The following DCAF6 variants were observed in gnomAD, a reference collection of about 807,000 sequenced individuals.
The protein encoded by DCAF6 is DDB1 and CUL4 associated factor 6.
DCAF6 carries 54 observed loss-of-function variants against 125.1 expected under a neutral mutation model. That is an observed-to-expected ratio of 0.43 (90% CI 0.35 to 0.54). The LOEUF is 0.54. Ranked by LOEUF, DCAF6 falls within the 20% of genes least tolerant of loss-of-function variation. DCAF6 has a pLI of 0.01. For synonymous variants in DCAF6, 371 were observed against 390.4 expected, an observed-to-expected ratio of 0.95 and a Z score of 0.58; for missense variants, 934 against 1,161.7, an observed-to-expected ratio of 0.80 and a Z score of 2.85.
chr1:167,864,426 C>T, the DCAF6 span, among the ~76,000 whole-genome samples: 1 of 152,136 alleles, frequency 6.6e-6, no homozygotes, highest in Non-Finnish European at 1.5e-5. Flanking sequence ...CTAGACAGGT[C>T]CCTTGTTTCA....
At chr1:168,044,053 A>G (rs1408304079) in intron 14 of DCAF6, among the ~76,000 whole-genome samples, 1 of 152,176 alleles carries the variant, frequency 6.6e-6, no homozygotes, top group Non-Finnish European at 1.5e-5. Flanking sequence ...ATGAAGCTCA[A>G]TTCCTGGGCT....
At chr1:167,908,252 T>C in the DCAF6 span, among the ~76,000 whole-genome samples, 1 of 152,206 alleles carries the variant, frequency 6.6e-6, no homozygotes, top group African/African-American at 2.4e-5. Context: ...TCTTGTATGA[T>C]AGTGTGGATG....
intron 4 of DCAF6, among the ~76,000 whole-genome samples, chr1:167,977,649 A>AT (rs1250622801): frequency 6.6e-6 from 1 of 151,758 alleles, no homozygotes; most frequent in African/African-American, 2.4e-5. Flanking sequence ...AATGTAAGAA[A>AT]TTTTCAGTCA....
At chr1:167,953,069 A>G (rs953659368) in intron 2 of DCAF6, among the ~76,000 whole-genome samples, 1 of 152,200 alleles carries the variant, frequency 6.6e-6, no homozygotes, top group Non-Finnish European at 1.5e-5. Context: ...TTTCTTATAT[A>G]ACCAAAATGC....
At chr1:167,987,856 A>G (rs926021472) in intron 5 of DCAF6, among the ~76,000 whole-genome samples, 2 of 152,088 alleles carry the variant, frequency 1.3e-5, no homozygotes, top group Admixed American at 6.6e-5. Flanking sequence ...GTACATTTAA[A>G]ATATATTTAT....
chr1:167,964,428 G>A lies in DCAF6; in HGVS notation c.160-2201G>A, dbSNP rs148171609. On this transcript the variant is annotated intron_variant, in intron 2 of 21. Transcript: ENST00000367840. ...GATGTTGGATGTAATTCTTATCTTT[G>A]CTCCTCTATAGATAATGTTTTTTCC... Among the ~76,000 whole-genome samples the A allele has an allele frequency of 7.1e-3, 1,080 of 152,110 alleles. 31 individuals are homozygous for A. The highest frequency in any genetic ancestry group is 4.5e-3 in the Non-Finnish European group (307 of 67,996).
chr1:168,064,926 T>C (rs1484738430), intron 18 of DCAF6, among the ~76,000 whole-genome samples: 1 of 152,240 alleles, frequency 6.6e-6, no homozygotes, highest in Non-Finnish European at 1.5e-5. Flanking sequence ...TAAGTATGTT[T>C]GTATCTTTCT....
At chr1:167,938,917 T>C (rs1671792123) in intron 1 of DCAF6, among the ~76,000 whole-genome samples, 1 of 152,190 alleles carries the variant, frequency 6.6e-6, no homozygotes, top group Admixed American at 6.5e-5. Flanking sequence ...CTGACTATAT[T>C]AGAAAGCCTG....
At chr1:168,068,488 A>C in intron 21 of DCAF6, 25 bp downstream of exon 21, 1 of 1,213,704 alleles carries the variant, frequency 8.2e-7, no homozygotes, top group Non-Finnish European at 1.1e-6. Context: ...TATACTACTA[A>C]AACCATTTTT....
the DCAF6 span, among the ~76,000 whole-genome samples, chr1:167,876,924 C>T: frequency 6.6e-6 from 1 of 152,140 alleles, no homozygotes; most frequent in Admixed American, 6.5e-5. Flanking sequence ...GAAGATGAGA[C>T]ACATAGAGCC....
the DCAF6 span, among the ~76,000 whole-genome samples, chr1:167,884,349 C>CTT: frequency 2.6e-5 from 4 of 152,060 alleles, no homozygotes; most frequent in East Asian, 7.7e-4. Context: ...GTGCTACACA[C>CTT]TTTTAAACAA....
rs1278049263 is a variant in DCAF6, at chr1:167,997,610, A to G, written c.903+4170A>G. On this transcript the variant is annotated intron_variant, in intron 7 of 21. Transcript: ENST00000367840. ...ATCAGAAAATTCACTGTTAAGTGTCACCAAGTTTTTATCAAAACCTGTTTA... is the reference window on the plus strand; with the variant it reads ...ATCAGAAAATTCACTGTTAAGTGTCGCCAAGTTTTTATCAAAACCTGTTTA... 2.0e-5 allele frequency among the ~76,000 whole-genome samples: 3 copies of G among 152,108 alleles called. No homozygotes were observed. In the East Asian group the frequency reaches 5.8e-4, roughly 29 times the overall value.
chr1:167,883,953 T>A, the DCAF6 span, among the ~76,000 whole-genome samples: 1 of 152,216 alleles, frequency 6.6e-6, no homozygotes, highest in Non-Finnish European at 1.5e-5. Context: ...TTTAAAAAAA[T>A]TTAAAATTTT....
chr1:167,883,372 T>A, the DCAF6 span: 2 of 1,555,708 alleles, frequency 1.3e-6, no homozygotes, highest in Non-Finnish European at 1.8e-6. Context: ...TTCTCACCAA[T>A]GTGCTTGTCC....
intron 11 of DCAF6, among the ~76,000 whole-genome samples, chr1:168,017,125 AT>A (rs933476852): frequency 2.4e-4 from 35 of 147,246 alleles, no homozygotes; most frequent in South Asian, 2.1e-4. Context: ...GAGGCCTCTG[AT>A]TTTTTTTTTT....
At chr1:168,020,437 A>C (rs1425152649) in intron 11 of DCAF6, among the ~76,000 whole-genome samples, 2 of 152,180 alleles carry the variant, frequency 1.3e-5, no homozygotes, top group Admixed American at 1.3e-4. Context: ...AAGACCAAAC[A>C]ACACATTTTT....
At chr1:167,911,158 C>T in the DCAF6 span, among the ~76,000 whole-genome samples, 1 of 152,202 alleles carries the variant, frequency 6.6e-6, no homozygotes, top group African/African-American at 2.4e-5. Context: ...AGTGTTCAAA[C>T]TGGGCAGTTT....
At chr1:168,030,175 G>T (rs761407957) in intron 12 of DCAF6, among the ~76,000 whole-genome samples, 24 of 152,070 alleles carry the variant, frequency 1.6e-4, no homozygotes, top group Non-Finnish European at 2.8e-4. Context: ...GAAATAGCAG[G>T]GTTCAGTGTG....
Position 168,015,837 on chromosome 1 carries a change from C to T in DCAF6, c.1435C>T (p.Leu479Phe). 6.5e-7 allele frequency: 1 copy of T among 1,537,940 alleles called. No homozygotes were observed. The highest frequency in any genetic ancestry group is 2.5e-5 in the East Asian group (1 of 39,916). Residue 479 changes from leucine (L) to phenylalanine (F), a missense_variant, in exon 11 of 22, where the codon CTT becomes TTT. Transcript: ENST00000367840. The stretch of plus-strand genomic sequence containing the variant: ...TCGTAAGCGCCTGCAACAACTGAGG[C>T]TTAAGAAGGCTGAGCAGCAGAGGCA... The part of the protein sequence containing the change: ...LLRKRLQQLR[L>F]KKAEQQRQQE...
Sources: gnomAD v4.1 joint callset for allele counts (sites outside exome capture counted in the v4.1 genomes callset) on GRCh38, gnomAD v4.1.1 for gene constraint, MANE v1.5 for transcripts, NCBI Gene and HGNC (gene_info 2026-07-23, HGNC 2026-07-21) for gene names.